Variants in CTDSPL2 observed in about 807,000 individuals in gnomAD.
The protein encoded by CTDSPL2 is CTD small phosphatase-like protein 2.
In CTDSPL2, 5 loss-of-function variants were observed where a neutral mutation model predicts 60.0. The ratio of observed to expected loss-of-function variants is 0.08; its 90% CI spans 0.04 to 0.18. The LOEUF (loss-of-function observed/expected upper bound fraction) is 0.18. Among genes scored for constraint, CTDSPL2 ranks in the 10% least tolerant of loss-of-function variants. The pLI is 1.00. For synonymous variants in CTDSPL2, 186 were observed against 189.3 expected (o/e 0.98, Z 0.14); for missense variants, 370 against 548.8 (o/e 0.67, Z 3.26).
chr15:44,511,717 A>C (rs2081568536), intron 8 of CTDSPL2, among the ~76,000 whole-genome samples: 2 of 151,874 alleles, frequency 1.3e-5, no homozygotes, highest in Admixed American at 1.3e-4. Flanking sequence ...AAAATACAAA[A>C]ATGAGCCGGA....
chr15:44,501,065 T>A (rs2081374899), intron 8 of CTDSPL2, among the ~76,000 whole-genome samples: 1 of 152,152 alleles, frequency 6.6e-6, no homozygotes, highest in Non-Finnish European at 1.5e-5. Flanking sequence ...TTGTTGTTCT[T>A]GTTTAGTGGA....
intron 1 of CTDSPL2, among the ~76,000 whole-genome samples, chr15:44,446,679 A>G (rs552894711): frequency 4.6e-5 from 7 of 151,458 alleles, no homozygotes; most frequent in Admixed American, 4.6e-4. Context: ...AAAATGGGAA[A>G]TTGCTGGCTC....
chr15:44,499,843 C>A, intron 8 of CTDSPL2, 30 bp downstream of exon 8: 1 of 1,286,730 alleles, frequency 7.8e-7, no homozygotes, highest in Non-Finnish European at 1.1e-6. Flanking sequence ...TGATTTTTGG[C>A]CTGATAGGTA....
intron 8 of CTDSPL2, among the ~76,000 whole-genome samples, chr15:44,508,512 T>A (rs1019574657): frequency 1.3e-5 from 2 of 152,220 alleles, no homozygotes; most frequent in Non-Finnish European, 2.9e-5. Context: ...AGAAAACAGA[T>A]GTCATACTCT....
chr15:44,455,881 T>C (rs1478151797), intron 1 of CTDSPL2, among the ~76,000 whole-genome samples: 1 of 122,906 alleles, frequency 8.1e-6, no homozygotes, highest in Non-Finnish European at 1.6e-5. Flanking sequence ...AGACGGAGTC[T>C]CGCTGTCGCC....
At chr15:44,472,566 T>G (rs772716293) in intron 2 of CTDSPL2, among the ~76,000 whole-genome samples, 6 of 151,766 alleles carry the variant, frequency 4.0e-5, no homozygotes, top group Non-Finnish European at 8.8e-5. Flanking sequence ...TGGCATGATC[T>G]CGGTTCATTG....
At chr15:44,458,597 C>T (rs2140694188) in intron 1 of CTDSPL2, among the ~76,000 whole-genome samples, 1 of 152,300 alleles carries the variant, frequency 6.6e-6, no homozygotes, top group South Asian at 2.1e-4. Context: ...TTACTATTTA[C>T]TCAATTCTTA....
At chr15:44,490,761 A>G (rs746465774) in intron 4 of CTDSPL2, 23 bp from the exon 5 acceptor site, 12 of 1,576,454 alleles carry the variant, frequency 7.6e-6, no homozygotes, top group East Asian at 2.2e-5. Context: ...AAATGATGAT[A>G]GTACACTGAA....
At chr15:44,479,079 A>AAC (rs2080977017) in intron 2 of CTDSPL2, among the ~76,000 whole-genome samples, 1 of 139,724 alleles carries the variant, frequency 7.2e-6, no homozygotes, top group South Asian at 2.1e-4. Flanking sequence ...CAAACAAACA[A>AAC]AAAAAAAAAA....
At chr15:44,455,147 G>C (rs543200176) in intron 1 of CTDSPL2, among the ~76,000 whole-genome samples, 4 of 152,152 alleles carry the variant, frequency 2.6e-5, no homozygotes, top group African/African-American at 9.7e-5. Context: ...CACATCCCTT[G>C]TAAGTTGGAT....
intron 8 of CTDSPL2, among the ~76,000 whole-genome samples, chr15:44,500,739 CG>C (rs1236931181): frequency 1.3e-5 from 2 of 152,018 alleles, no homozygotes; most frequent in Non-Finnish European, 2.9e-5. Flanking sequence ...TCACAGAAAC[CG>C]TGAAATTTAA....
intron 8 of CTDSPL2, among the ~76,000 whole-genome samples, chr15:44,509,253 GT>G (rs1257650585): frequency 1.3e-5 from 2 of 151,888 alleles, no homozygotes; most frequent in Admixed American, 1.3e-4. Context: ...CCAGGCTGGA[GT>G]GCAGTGGTGT....
chr15:44,469,175 GTC>G (rs1033701913), intron 2 of CTDSPL2, among the ~76,000 whole-genome samples: 1 of 152,166 alleles, frequency 6.6e-6, no homozygotes, highest in African/African-American at 2.4e-5. Context: ...GTTTGGCACT[GTC>G]TGTGGTTTCA....
intron 5 of CTDSPL2, among the ~76,000 whole-genome samples, chr15:44,494,277 C>T (rs1459814843): frequency 6.6e-6 from 1 of 152,104 alleles, no homozygotes; most frequent in East Asian, 1.9e-4. Flanking sequence ...ACTTCTTGAT[C>T]ATTTTTAAGT....
At chr15:44,431,457 G>T (rs963905956) in intron 1 of CTDSPL2, among the ~76,000 whole-genome samples, 1 of 152,214 alleles carries the variant, frequency 6.6e-6, no homozygotes, top group Non-Finnish European at 1.5e-5. Flanking sequence ...CAAATAGGTA[G>T]ACTAGGTAGT....
chr15:44,521,143 T>C (rs2081759909), intron 11 of CTDSPL2, 168 bp from the exon 12 acceptor site: 1 of 391,712 alleles, frequency 2.6e-6, no homozygotes, highest in African/African-American at 2.1e-5. Context: ...TTCCTTATCC[T>C]CTGTCTCTTG....
intron 2 of CTDSPL2, among the ~76,000 whole-genome samples, chr15:44,467,750 T>G (rs1425704768): frequency 1.3e-5 from 2 of 152,008 alleles, no homozygotes; most frequent in Non-Finnish European, 2.9e-5. Context: ...ATTCTTTGTA[T>G]TTTTAGTAGA....
chr15:44,466,990 A>C (rs1283917609), intron 2 of CTDSPL2, among the ~76,000 whole-genome samples: 1 of 152,210 alleles, frequency 6.6e-6, no homozygotes, highest in Non-Finnish European at 1.5e-5. Context: ...TATCATGGGC[A>C]GTTGTAACAC....
chr15:44,464,862 C>T (rs539858437), intron 2 of CTDSPL2, among the ~76,000 whole-genome samples: 1 of 152,262 alleles, frequency 6.6e-6, no homozygotes, highest in African/African-American at 2.4e-5. Flanking sequence ...TGTGCCACCA[C>T]ACCTGGCTAC....
Sources: allele counts gnomAD v4.1 joint callset (sites outside exome capture counted in the v4.1 genomes callset), GRCh38; gene constraint gnomAD v4.1.1; transcripts MANE v1.5; gene names NCBI Gene and HGNC (gene_info 2026-07-23, HGNC 2026-07-21).